The following SYT14 variants were observed in gnomAD, a reference collection of about 807,000 sequenced individuals.
SYT14 encodes synaptotagmin-14.
A neutral mutation model predicts 74.2 loss-of-function variants in SYT14; 32 were observed. The observed-to-expected ratio is 0.43, with a 90% CI of 0.33 to 0.58. The LOEUF (loss-of-function observed/expected upper bound fraction) is 0.58. SYT14 is among the 20% of genes least tolerant of loss of function. The probability of loss-of-function intolerance (pLI) is 0.05; values close to 1 mark genes in which losing one functional copy is unlikely to be tolerated. For missense variants in SYT14, 791 were observed against 981.8 expected (o/e 0.81, Z 2.60); for synonymous variants, 298 against 337.7 (o/e 0.88, Z 1.29).
intron 5 of SYT14, among the ~76,000 whole-genome samples, chr1:210,037,694 C>T (rs2080697557): frequency 6.6e-6 from 1 of 151,820 alleles, no homozygotes; most frequent in African/African-American, 2.4e-5. Context: ...GTCATTGATT[C>T]AAAGATCGCT....
At position 210,016,694 on chromosome 1, in the gene SYT14, C is replaced by T. The variant is rs1282991955; in HGVS notation, c.691C>T (p.Arg231Ter). 17 of 1,231,566 alleles carry T rather than the reference C, an allele frequency of 1.4e-5. No individual in the cohort carries two copies. The highest frequency in any genetic ancestry group is 8.5e-5 in the Admixed American group (2 of 23,660). 76.3% of individuals were successfully genotyped at this position (1,231,566 alleles called of 1,614,324 possible). A position where few individuals can be genotyped will look rare whatever the true frequency, so the allele number is the denominator to read the frequency against. The change falls in exon 4 of 10, where the codon CGA (arginine) becomes TGA (stop). Residue 231 changes from arginine (R) to a stop codon, truncating the protein, a stop_gained. Coordinates refer to ENST00000637265, the Ensembl canonical transcript of SYT14. LOFTEE classifies it high-confidence loss of function. ...TAAAAAGGAGGAATATTCTAAATCT[C>T]GACATGTATATTTGGGAAGAGATCA...
At chr1:209,997,298 A>G (rs2079815634) in intron 2 of SYT14, among the ~76,000 whole-genome samples, 1 of 152,186 alleles carries the variant, frequency 6.6e-6, no homozygotes, top group Non-Finnish European at 1.5e-5. Context: ...TCAGTGTACA[A>G]AAATCAGTAG....
chr1:210,023,500 T>C (rs549558092), intron 5 of SYT14, among the ~76,000 whole-genome samples: 352 of 152,162 alleles, frequency 2.3e-3, no homozygotes, highest in Non-Finnish European at 4.0e-3. Flanking sequence ...CCTGCCACCA[T>C]GCCCAGCTAA....
At chr1:210,042,704 T>C (rs982398488) in intron 5 of SYT14, among the ~76,000 whole-genome samples, 1 of 152,200 alleles carries the variant, frequency 6.6e-6, no homozygotes, top group Non-Finnish European at 1.5e-5. Flanking sequence ...TTCTGTTCCA[T>C]TGGTCTATGT....
At chr1:210,131,891 C>T (rs147009565) in intron 7 of SYT14, among the ~76,000 whole-genome samples, 352 of 152,166 alleles carry the variant, frequency 2.3e-3, no homozygotes, top group Middle Eastern at 0.017. Flanking sequence ...TTGTATTTGG[C>T]CTCTGACACC....
At chr1:210,133,177 A>G (rs887488983) in intron 7 of SYT14, among the ~76,000 whole-genome samples, 1 of 152,184 alleles carries the variant, frequency 6.6e-6, no homozygotes, top group African/African-American at 2.4e-5. Context: ...GAACTTTCTG[A>G]AAGTGCACAT....
intron 5 of SYT14, among the ~76,000 whole-genome samples, chr1:210,041,847 C>T (rs2080796519): frequency 6.6e-6 from 1 of 152,016 alleles, no homozygotes; most frequent in Non-Finnish European, 1.5e-5. Flanking sequence ...CATGGTGAGC[C>T]AGTCCCCCAG....
exon 10 of SYT14, chr1:210,160,878 A>G (rs776433320): frequency 4.3e-5 from 69 of 1,613,950 alleles, no homozygotes; most frequent in Non-Finnish European, 4.8e-5. Flanking sequence ...TGTGACACTC[A>G]TACTGTCTGT....
chr1:210,093,312 A>G (rs553024500), intron 5 of SYT14, among the ~76,000 whole-genome samples: 2 of 152,248 alleles, frequency 1.3e-5, no homozygotes, highest in Non-Finnish European at 2.9e-5. Context: ...GATAGTACAA[A>G]CTACTGTTTC....
At chr1:210,106,317 C>A (rs1388370316) in intron 7 of SYT14, among the ~76,000 whole-genome samples, 1 of 152,148 alleles carries the variant, frequency 6.6e-6, no homozygotes, top group East Asian at 1.9e-4. Context: ...TAAAATAGTC[C>A]CTCAGAGTTG....
At chr1:210,068,733 ATTC>A (rs1397935055) in intron 5 of SYT14, among the ~76,000 whole-genome samples, 1 of 151,694 alleles carries the variant, frequency 6.6e-6, no homozygotes, top group African/African-American at 2.4e-5. Flanking sequence ...TTAAAAAATA[ATTC>A]TTTAATTATT....
At chr1:210,157,854 T>G (rs1212734476) in intron 8 of SYT14, among the ~76,000 whole-genome samples, 1 of 152,102 alleles carries the variant, frequency 6.6e-6, no homozygotes, top group African/African-American at 2.4e-5. Context: ...TAAAAATTAT[T>G]TATTCAATGG....
intron 5 of SYT14, among the ~76,000 whole-genome samples, chr1:210,053,190 T>G (rs1022359495): frequency 6.6e-6 from 1 of 152,200 alleles, no homozygotes; most frequent in African/African-American, 2.4e-5. Context: ...CTCCTTTGGT[T>G]TTTTATTACA....
At chr1:210,150,148 T>C (rs2083129424) in intron 7 of SYT14, among the ~76,000 whole-genome samples, 1 of 152,040 alleles carries the variant, frequency 6.6e-6, no homozygotes, top group Non-Finnish European at 1.5e-5. Context: ...CCCATGACAC[T>C]CAGAGCTGCC....
intron 2 of SYT14, among the ~76,000 whole-genome samples, chr1:210,001,646 A>G (rs2079902679): frequency 6.6e-6 from 1 of 152,184 alleles, no homozygotes; most frequent in Non-Finnish European, 1.5e-5. Flanking sequence ...TAAGAGATAC[A>G]AAAAATAAGC....
At chr1:210,016,287 A>T in exon 4 of SYT14, 1 of 1,232,198 alleles carries the variant, frequency 8.1e-7, no homozygotes. Flanking sequence ...AATTTAGAGC[A>T]TAGAGCAAAG....
chr1:210,125,895 T>C (rs2082559533), intron 7 of SYT14, among the ~76,000 whole-genome samples: 1 of 151,940 alleles, frequency 6.6e-6, no homozygotes, highest in South Asian at 2.1e-4. Context: ...ATTACATTAG[T>C]GGAAAGAGGT....
chr1:210,162,384 A>G (rs1221380575), exon 10 of SYT14: 1 of 426,632 alleles, frequency 2.3e-6, no homozygotes, highest in Admixed American at 2.6e-5. Flanking sequence ...ATAATGTGCT[A>G]ACTTTTTAAT....
At chr1:210,151,732 CTA>C (rs1171737374) in intron 7 of SYT14, among the ~76,000 whole-genome samples, 2 of 152,260 alleles carry the variant, frequency 1.3e-5, no homozygotes, top group Middle Eastern at 3.4e-3. Flanking sequence ...GTAAACACCA[CTA>C]TATTTCAGCA....
Sources: gnomAD v4.1 joint callset for allele counts (sites outside exome capture counted in the v4.1 genomes callset) on GRCh38, gnomAD v4.1.1 for gene constraint, MANE v1.5 for transcripts, NCBI Gene and HGNC (gene_info 2026-07-23, HGNC 2026-07-21) for gene names.